SVIL: variants seen among roughly 807,000 people sequenced by gnomAD.
The protein encoded by SVIL is archvillin.
SVIL carries 101 observed loss-of-function variants against 240.4 expected under a neutral mutation model. The observed-to-expected ratio is 0.42, with a 90% CI of 0.36 to 0.50. SVIL has a LOEUF of 0.50. SVIL is among the 20% of genes least tolerant of loss of function. SVIL has a pLI of 0.01. For missense variants in SVIL, 2,512 were observed against 2,818.7 expected (o/e 0.89, Z 2.46); for synonymous variants, 999 against 1,100.0 (o/e 0.91, Z 1.82).
intron 17 of SVIL, chr10:29,508,664 T>A (rs1949556436): frequency 2.9e-6 from 1 of 343,328 alleles, no homozygotes; most frequent in Admixed American, 3.9e-5. Context: ...GGAATTTCAA[T>A]GGCAGCAGAC....
At chr10:29,462,931 T>G (rs1328512930) in intron 35 of SVIL, among the ~76,000 whole-genome samples, 1 of 127,420 alleles carries the variant, frequency 7.8e-6, no homozygotes, top group Non-Finnish European at 1.7e-5. Context: ...AAAAATTAAA[T>G]AAGATTAATT....
At chr10:29,521,549 T>C (rs752018201) in intron 16 of SVIL, among the ~76,000 whole-genome samples, 4 of 152,228 alleles carry the variant, frequency 2.6e-5, no homozygotes, top group Non-Finnish European at 5.9e-5. Flanking sequence ...CATGAGAAAT[T>C]TTGTTACACA....
intron 1 of SVIL, among the ~76,000 whole-genome samples, chr10:29,631,839 G>C (rs1226871701): frequency 1.3e-5 from 2 of 152,162 alleles, no homozygotes; most frequent in African/African-American, 2.4e-5. Context: ...AGGCCTCGGG[G>C]ACCTAAAGGG....
intron 1 of SVIL, among the ~76,000 whole-genome samples, chr10:29,599,391 T>C (rs994401055): frequency 2.6e-5 from 4 of 151,916 alleles, no homozygotes; most frequent in African/African-American, 9.7e-5. Flanking sequence ...CCTCCATTTT[T>C]TTTTGTTCAG....
At position 29,551,054 on chromosome 10, in the gene SVIL, G is replaced by C; in HGVS notation, c.370C>G (p.Leu124Val). The change falls in exon 6 of 38, where the codon CTG becomes GTG. Residue 124 changes from leucine to valine, a missense_variant. Around this residue, in one of 3 missense-constraint regions of SVIL, gnomAD observed 1,443 missense variants for 1,486.6 expected, o/e 0.97. Transcript: ENST00000355867. ...TACTCGGAGTCGGCCTCGGGATCCA[G>C]AGTCAGCCCATACTTCTCTGCCAGC... ...RQLAEKYGLT[L>V]DPEADSEYLS... 1 of 1,614,144 alleles carries C rather than the reference G, an allele frequency of 6.2e-7. No homozygotes were observed. Among genetic ancestry groups the C allele is most frequent in the Non-Finnish European group, 8.5e-7 (1 of 1,180,032 alleles).
At chr10:29,494,491 G>A (rs546224055) in intron 20 of SVIL, among the ~76,000 whole-genome samples, 4 of 152,240 alleles carry the variant, frequency 2.6e-5, no homozygotes, top group South Asian at 2.1e-4. Context: ...TTGGTATACC[G>A]CATTGACTTT....
intron 3 of SVIL, among the ~76,000 whole-genome samples, chr10:29,653,623 A>C (rs77628230): frequency 6.6e-6 from 1 of 152,126 alleles, no homozygotes; most frequent in African/African-American, 2.4e-5. Flanking sequence ...TCTTAAAAAA[A>C]TCCAATCCAA....
chr10:29,697,210 G>A (rs1385472360), intron 1 of SVIL, among the ~76,000 whole-genome samples: 1 of 67,806 alleles, frequency 1.5e-5, no homozygotes, highest in African/African-American at 6.0e-5. Flanking sequence ...TCAGCGCCCC[G>A]CCTGGCCAGC....
intron 36 of SVIL, among the ~76,000 whole-genome samples, chr10:29,460,444 G>T (rs1261067362): frequency 6.6e-6 from 1 of 152,162 alleles, no homozygotes; most frequent in Non-Finnish European, 1.5e-5. Context: ...GAATACACAG[G>T]GAGGATGGTG....
chr10:29,481,757 C>G, intron 27 of SVIL, 29 bp from the exon 28 acceptor site: 1 of 1,605,894 alleles, frequency 6.2e-7, no homozygotes, highest in Non-Finnish European at 8.5e-7. Context: ...GTTGGGAGAA[C>G]AGACAGGAAA....
At chr10:29,584,800 A>G (rs1325684378) in intron 1 of SVIL, among the ~76,000 whole-genome samples, 1 of 152,240 alleles carries the variant, frequency 6.6e-6, no homozygotes, top group Non-Finnish European at 1.5e-5. Context: ...GAAGCATCAG[A>G]GCCATCCCTG....
At chr10:29,648,826 A>G (rs1470392500) in intron 3 of SVIL, among the ~76,000 whole-genome samples, 1 of 151,896 alleles carries the variant, frequency 6.6e-6, no homozygotes, top group Non-Finnish European at 1.5e-5. Context: ...AAAAAAAAAA[A>G]AAGATTCTAA....
chr10:29,489,303 T>C (rs558304131), intron 22 of SVIL, among the ~76,000 whole-genome samples: 1 of 152,310 alleles, frequency 6.6e-6, no homozygotes, highest in East Asian at 1.9e-4. Context: ...TAAGATGGGT[T>C]TTCACTGCAA....
intron 1 of SVIL, among the ~76,000 whole-genome samples, chr10:29,709,834 G>A (rs1387031083): frequency 6.6e-6 from 1 of 152,108 alleles, no homozygotes; most frequent in Non-Finnish European, 1.5e-5. Context: ...GCACCCAGTG[G>A]GTGGGTGGTT....
chr10:29,582,813 A>G (rs1360736118), intron 1 of SVIL, among the ~76,000 whole-genome samples: 7 of 152,148 alleles, frequency 4.6e-5, no homozygotes, highest in Non-Finnish European at 7.4e-5. Context: ...GCTGCATCCC[A>G]GGACATAAGG....
rs774944434 is a variant in SVIL at position 29,551,175 on chromosome 10, G to A, written c.249C>T (p.His83=). 4.1e-5 allele frequency: 66 copies of A among 1,613,992 alleles called. No homozygotes were observed. In the South Asian group the frequency reaches 7.1e-4, roughly 17 times the overall value. ...SKYCTETSGV[H]GDSPYGSGTM... ...TACCCGAACCATAGGGTGAGTCACC[G>A]TGGACACCGGAGGTTTCTGTGCAGT... Residue 83 remains histidine, a synonymous_variant, in exon 6 of 38, where the codon CAC becomes CAT. Coordinates refer to ENST00000355867, the MANE Select transcript of SVIL (RefSeq NM_021738.3).
intron 1 of SVIL, among the ~76,000 whole-genome samples, chr10:29,621,372 C>T (rs1957632480): frequency 6.6e-6 from 1 of 152,238 alleles, no homozygotes; most frequent in South Asian, 2.1e-4. Flanking sequence ...CTGGAGAGCT[C>T]TGTGCGTTGG....
intron 1 of SVIL, among the ~76,000 whole-genome samples, chr10:29,721,908 T>C (rs1001833965): frequency 7.9e-5 from 12 of 151,934 alleles, no homozygotes; most frequent in African/African-American, 2.9e-4. Context: ...TAACCAGGAG[T>C]TAGAGAAGAA....
At chr10:29,696,807 TCCGG>T (rs1328522502) in intron 1 of SVIL, among the ~76,000 whole-genome samples, 2 of 149,058 alleles carry the variant, frequency 1.3e-5, no homozygotes, top group Admixed American at 1.3e-4. Context: ...AGCCACCCCG[TCCGG>T]GAGGGAGGTG....
Sources: allele counts gnomAD v4.1 joint callset (sites outside exome capture counted in the v4.1 genomes callset), GRCh38; gene constraint gnomAD v4.1.1; regional missense constraint gnomAD v4.1.1; transcripts MANE v1.5; gene names NCBI Gene and HGNC (gene_info 2026-07-23, HGNC 2026-07-21).